The following CCDC136 variants were observed in gnomAD, a reference collection of about 807,000 sequenced individuals.
CCDC136 encodes coiled-coil domain-containing protein 136.
In CCDC136, 100 loss-of-function variants were observed where a neutral mutation model predicts 141.2. That is an observed-to-expected ratio of 0.71 (90% confidence interval 0.60 to 0.84). The LOEUF is 0.84. CCDC136 is among the 40% of genes least tolerant of loss of function. The probability of loss-of-function intolerance (pLI) is 0.00; values close to 1 mark genes in which losing one functional copy is unlikely to be tolerated. For missense variants in CCDC136, 1,206 were observed against 1,379.4 expected (o/e 0.87, Z 1.99); for synonymous variants, 474 against 531.9 (o/e 0.89, Z 1.50).
intron 15 of CCDC136, 134 bp from the exon 16 acceptor site, chr7:128,815,480 C>A (rs960986797): frequency 1.0e-6 from 1 of 1,000,546 alleles, no homozygotes; most frequent in Middle Eastern, 3.3e-4. Flanking sequence ...GCTCACAGTC[C>A]CAGAGCACCG....
At chr7:128,798,106 G>A (rs1401383875) in intron 3 of CCDC136, among the ~76,000 whole-genome samples, 11 of 149,154 alleles carry the variant, frequency 7.4e-5, no homozygotes, top group African/African-American at 2.0e-4. Context: ...TTTAGTAGAG[G>A]CGGGGTTTCA....
In CCDC136 at chr7:128,809,700, C is replaced by T. The variant is rs572125021; in HGVS notation, c.1800+56C>T. 1.3e-4 allele frequency: 172 copies of T among 1,278,550 alleles called. 1 individual carries two copies. In the South Asian group the frequency reaches 2.6e-3, roughly 19 times the overall value. 79.2% of individuals were successfully genotyped at this position (1,278,550 alleles called of 1,614,324 possible). A position where few individuals can be genotyped will look rare whatever the true frequency, so the allele number is the denominator to read the frequency against. On this transcript the variant is annotated intron_variant, in intron 11 of 17. Transcript: ENST00000297788. ...GGGGAAGCTGCTCTGAGAAGCTTCC[C>T]TGTGTGACTAGGGAAAAATAAAAGG...
In CCDC136 at chr7:128,817,858, A is replaced by G; in HGVS notation, c.3464A>G (p.Ter1155=). The change falls in exon 17 of 18, where the codon TAA becomes TGA. Residue 1155 remains the stop codon, a stop_retained_variant. Coordinates refer to ENST00000297788, the MANE Select transcript of CCDC136 (RefSeq NM_022742.5). This position sits in a 1 kb window ranked among gnomAD's most constrained non-coding sequence, Gnocchi z 4.6. ...TGCTGGTGGGCTGAGACGTCGTCCTAATGCAGGTACTGGTATTGCTTCCTC... is the reference window on the plus strand; with the variant it reads ...TGCTGGTGGGCTGAGACGTCGTCCTGATGCAGGTACTGGTATTGCTTCCTC... The part of the protein sequence containing the change: ...LWCWWAETSS[*] The G allele has an allele frequency of 6.2e-7, 1 of 1,612,410 alleles. No homozygotes were observed. Among genetic ancestry groups the G allele is most frequent in the Non-Finnish European group, 8.5e-7 (1 of 1,178,684 alleles).
At chr7:128,796,739 A>ATATATATATATTTTTTTTTTTTT in intron 3 of CCDC136, among the ~76,000 whole-genome samples, 1 of 113,376 alleles carries the variant, frequency 8.8e-6, no homozygotes, top group Non-Finnish European at 1.7e-5. Flanking sequence ...ATATATATAT[A>ATATATATATATTTTTTTTTTTTT]TTCTTTTTTT....
upstream of CCDC136, chr7:128,791,508 C>CGGAGCCGGCGCG: frequency 3.9e-6 from 5 of 1,297,806 alleles, no homozygotes; most frequent in South Asian, 5.0e-5. This position sits in a 1 kb window ranked among gnomAD's most constrained non-coding sequence, Gnocchi z 7.1. Context: ...AGGCGGGCGC[C>CGGAGCCGGCGCG]GGAGCCGGCG....
chr7:128,820,378 A>G (rs1807274622), intron 17 of CCDC136, among the ~76,000 whole-genome samples: 1 of 152,228 alleles, frequency 6.6e-6, no homozygotes, highest in African/African-American at 2.4e-5. Context: ...CTAGTTTAAA[A>G]GGAGAGTTTG....
At chr7:128,791,594 C>T, upstream of CCDC136, 1 of 1,185,600 alleles carries the variant, frequency 8.4e-7, no homozygotes, top group Non-Finnish European at 1.1e-6. This position sits in a 1 kb window ranked among gnomAD's most constrained non-coding sequence, Gnocchi z 7.1. Context: ...CCCCTCCTTT[C>T]TCTCCTCCAT....
chr7:128,795,929 A>G (rs1802876177), intron 3 of CCDC136, among the ~76,000 whole-genome samples: 1 of 152,218 alleles, frequency 6.6e-6, no homozygotes, highest in Non-Finnish European at 1.5e-5. Context: ...AATAAATGCT[A>G]TGAACACGAT....
rs377239628 is a variant in CCDC136, at chr7:128,794,327, T to C, written c.17-21T>C. 90 of 1,551,506 alleles carry C rather than the reference T, an allele frequency of 5.8e-5. No individual in the cohort carries two copies. The highest frequency in any genetic ancestry group is 7.5e-5 in the Non-Finnish European group (86 of 1,146,934). Reference sequence around the variant, plus strand: ...AAGGAAGTTGATGCTGACTCCTTGGTGGGATGGCTGTGTCTCCTAGGGGAG... The same window carrying C: ...AAGGAAGTTGATGCTGACTCCTTGGCGGGATGGCTGTGTCTCCTAGGGGAG... On this transcript the variant is annotated intron_variant, in intron 1 of 17. Transcript: ENST00000297788. This position sits in a 1 kb window ranked among gnomAD's most constrained non-coding sequence, Gnocchi z 4.3.
Position 128,821,543 on chromosome 7 carries a change from C to A in CCDC136, c.*6-256C>A, listed in dbSNP as rs1397815724. On this transcript the variant is annotated intron_variant, in intron 17 of 17. Coordinates refer to ENST00000297788, the MANE Select transcript of CCDC136 (RefSeq NM_022742.5). This position sits in a 1 kb window ranked among gnomAD's most constrained non-coding sequence, Gnocchi z 5.1. ...CTGAGCCTGCTTCTTCACATGGGAG[C>A]TAGTATTCTCAGCCCATGGGGAGAA... Among the ~76,000 whole-genome samples, 1 of 152,196 alleles carries A rather than the reference C, an allele frequency of 6.6e-6. No homozygotes were observed. The highest frequency in any genetic ancestry group is 2.4e-5 in the African/African-American group (1 of 41,448).
rs551818255 is a variant in CCDC136, at chr7:128,814,385, C to T, written c.2764-253C>T. Reference sequence around the variant, plus strand: ...ACACTGGATGGCAAGTGAGCCGCTGCGCCCTGCCGTTTTTTTCATCTTATT... The same window carrying T: ...ACACTGGATGGCAAGTGAGCCGCTGTGCCCTGCCGTTTTTTTCATCTTATT... On this transcript the variant is annotated intron_variant, in intron 14 of 17. Transcript: ENST00000297788. Among the ~76,000 whole-genome samples the T allele has an allele frequency of 5.9e-5, 9 of 152,274 alleles. No individual in the cohort carries two copies. The South Asian group carries it at 6.2e-4, about 11-fold the overall frequency.
chr7:128,809,570 G>C lies in CCDC136; in HGVS notation c.1726G>C (p.Glu576Gln), dbSNP rs1427694663. ...CCTGGAGGATCAGAGGAGGATGCAG[G>C]AGGAGCAGGGCCAGCTGCAGGAAGA... ...ELLEDQRRMQ[E>Q]EQGQLQEELH... The change falls in exon 11 of 18, where the codon GAG becomes CAG. Residue 576 changes from glutamate to glutamine, a missense_variant. Coordinates refer to ENST00000297788, the MANE Select transcript of CCDC136 (RefSeq NM_022742.5). 2.6e-6 allele frequency: 4 copies of C among 1,567,582 alleles called. No individual in the cohort carries two copies. The highest frequency in any genetic ancestry group is 4.7e-5 in the East Asian group (2 of 42,522).
At chr7:128,803,866 G>A (rs1378407785) in intron 4 of CCDC136, among the ~76,000 whole-genome samples, 1 of 149,664 alleles carries the variant, frequency 6.7e-6, no homozygotes, top group Non-Finnish European at 1.5e-5. Flanking sequence ...CCAGGCTGGA[G>A]TGCAGTGGCA....
intron 12 of CCDC136, 107 bp downstream of exon 12, chr7:128,810,473 G>C: frequency 1.3e-6 from 1 of 767,922 alleles, no homozygotes. Flanking sequence ...TTTGGCCAGG[G>C]GTAAGGATAA....
At chr7:128,801,720 C>CA (rs1185807106) in intron 4 of CCDC136, among the ~76,000 whole-genome samples, 4 of 152,164 alleles carry the variant, frequency 2.6e-5, no homozygotes, top group Non-Finnish European at 4.4e-5. Context: ...CACTCGAGCC[C>CA]AGGCATTCAT....
At position 128,807,292 on chromosome 7, in the gene CCDC136, G is replaced by A. The variant is rs1350674670; in HGVS notation, c.1420-68G>A. The A allele has an allele frequency of 3.4e-5, 42 of 1,234,518 alleles. No individual in the cohort carries two copies. In the East Asian group the frequency reaches 7.0e-4, roughly 20 times the overall value. The allele number at this position is 1,234,518 out of a possible 1,614,324, so 76.5% of individuals were successfully genotyped here. A position where few individuals can be genotyped will look rare whatever the true frequency, so the allele number is the denominator to read the frequency against. On this transcript the variant is annotated intron_variant, in intron 9 of 17. Transcript: ENST00000297788. ...GGGAAGATGGGTCCCCTTAGTCCCC[G>A]CCTGGGAGGAGAGAGTCCAGCAGCA... is the stretch of plus-strand genomic sequence containing the variant.
At chr7:128,797,026 C>T (rs1055496436) in intron 3 of CCDC136, among the ~76,000 whole-genome samples, 1 of 152,054 alleles carries the variant, frequency 6.6e-6, no homozygotes, top group Admixed American at 6.5e-5. Flanking sequence ...CAGGCGTGAG[C>T]CACCGCGCCC....
chr7:128,818,821 TTC>T (rs538132257), intron 17 of CCDC136, among the ~76,000 whole-genome samples: 29 of 152,212 alleles, frequency 1.9e-4, no homozygotes, highest in Admixed American at 1.6e-3. Context: ...CCATAAGGTA[TTC>T]TCTCTAGTCC....
Position 128,812,249 on chromosome 7 carries a change from C to T in CCDC136, c.2478C>T (p.Thr826=). Residue 826 remains threonine, a synonymous_variant, in exon 13 of 18, where the codon ACC becomes ACT. Transcript: ENST00000297788. ...KSYGSTSSSD[T]CQKSFVSSCT... The stretch of plus-strand genomic sequence containing the variant: ...ACGGCAGCACCAGTAGCTCTGACAC[C>T]TGCCAGAAGAGTTTTGTCAGCAGCT... The T allele has an allele frequency of 1.2e-6, 2 of 1,613,778 alleles. No individual in the cohort carries two copies. Among genetic ancestry groups the T allele is most frequent in the Non-Finnish European group, 1.7e-6 (2 of 1,179,804 alleles).
Sources: allele counts gnomAD v4.1 joint callset (sites outside exome capture counted in the v4.1 genomes callset), GRCh38; gene constraint gnomAD v4.1.1; non-coding constraint Gnocchi (gnomAD v3.1); transcripts MANE v1.5; gene names NCBI Gene and HGNC (gene_info 2026-07-23, HGNC 2026-07-21).